The following SP4 variants were observed in gnomAD, a reference collection of about 807,000 sequenced individuals.
SP4 encodes the protein Sp4 transcription factor.
A neutral mutation model predicts 72.8 loss-of-function variants in SP4; 19 were observed. The observed-to-expected ratio is 0.26, with a 90% CI of 0.18 to 0.38. The LOEUF (loss-of-function observed/expected upper bound fraction) is 0.38, where lower values mean the gene tolerates loss of function less well. SP4 is among the 10% of genes least tolerant of loss of function. The probability of loss-of-function intolerance (pLI) is 1.00; values close to 1 mark genes in which losing one functional copy is unlikely to be tolerated. For synonymous variants in SP4, 395 were observed against 333.1 expected (o/e 1.19, Z -2.02); for missense variants, 1,008 against 926.3 (o/e 1.09, Z -1.14).
chr7:21,471,266 G>T (rs138879860), intron 3 of SP4: 30 of 361,152 alleles, frequency 8.3e-5, no homozygotes, highest in Middle Eastern at 7.3e-4. Context: ...TGGGGAGCTA[G>T]GTCTGCAATA....
intron 3 of SP4, among the ~76,000 whole-genome samples, chr7:21,475,097 C>G (rs75136652): frequency 0.021 from 3,178 of 151,754 alleles, 46 homozygotes; most frequent in African/African-American, 0.037. Flanking sequence ...CCTCCCCCAC[C>G]CTTTTTTTGT....
At chr7:21,460,491 C>A (rs1583406580) in intron 3 of SP4, among the ~76,000 whole-genome samples, 1 of 152,136 alleles carries the variant, frequency 6.6e-6, no homozygotes, top group Non-Finnish European at 1.5e-5. Flanking sequence ...AAAGAGTGAG[C>A]AGCAGCAAGA....
At chr7:21,492,783 G>C (rs1024714602) in intron 5 of SP4, among the ~76,000 whole-genome samples, 1 of 152,160 alleles carries the variant, frequency 6.6e-6, no homozygotes, top group Non-Finnish European at 1.5e-5. Flanking sequence ...GATAAAGAGA[G>C]TATCTGAATA....
rs1008746180 is a variant in SP4, at chr7:21,430,519, A to C, written c.1354A>C (p.Thr452Pro). The C allele has an allele frequency of 1.2e-6, 2 of 1,614,172 alleles. No homozygotes were observed. The highest frequency in any genetic ancestry group is 1.7e-6 in the Non-Finnish European group (2 of 1,180,036). ...TGTTCAACTTCAAGCAGTAAATCCG[A>C]CTCAGGTGCTTATCAGGGCTCCAAC... ...QNVQLQAVNPTQVLIRAPTLT... is the reference protein window; with the variant it reads ...QNVQLQAVNPPQVLIRAPTLT... Residue 452 changes from threonine (T) to proline (P), a missense_variant, in exon 3 of 6, where the codon ACT becomes CCT. By Grantham distance (38) the Thr-to-Pro change is conservative (BLOSUM62 -1). Transcript: ENST00000222584.
At chr7:21,456,779 G>A (rs6461563) in intron 3 of SP4, among the ~76,000 whole-genome samples, 4 of 152,080 alleles carry the variant, frequency 2.6e-5, no homozygotes, top group African/African-American at 7.2e-5. Flanking sequence ...CTCACAAGCC[G>A]CCTGTCAGTG....
chr7:21,471,116 A>G, intron 3 of SP4: 2 of 534,748 alleles, frequency 3.7e-6, no homozygotes, highest in South Asian at 2.8e-5. Flanking sequence ...ACTGTAGGTG[A>G]TGGTGAGAGT....
chr7:21,508,002 A>G (rs1050464515), intron 5 of SP4, among the ~76,000 whole-genome samples: 13 of 152,102 alleles, frequency 8.5e-5, no homozygotes, highest in Non-Finnish European at 1.6e-4. Flanking sequence ...CTTACAGTCC[A>G]ATTTTCCTCC....
chr7:21,472,188 G>A (rs1353693461), intron 3 of SP4, among the ~76,000 whole-genome samples: 1 of 152,182 alleles, frequency 6.6e-6, no homozygotes, highest in Non-Finnish European at 1.5e-5. Flanking sequence ...TATGAAAGTA[G>A]ATGAGGTCCC....
intron 3 of SP4, among the ~76,000 whole-genome samples, chr7:21,437,503 A>G (rs1038551570): frequency 2.6e-5 from 4 of 151,008 alleles, no homozygotes; most frequent in Admixed American, 6.6e-5. Context: ...GTAGTTTGAC[A>G]TTTTTTTTTC....
At chr7:21,481,853 TTTTAA>T in intron 4 of SP4, 66 bp from the exon 5 acceptor site, 1 of 1,100,174 alleles carries the variant, frequency 9.1e-7, no homozygotes, top group African/African-American at 1.6e-5. Context: ...CCTTGATTCT[TTTTAA>T]TTTTTCTATA....
intron 3 of SP4, among the ~76,000 whole-genome samples, chr7:21,442,437 T>A (rs1210104521): frequency 1.3e-5 from 2 of 152,224 alleles, no homozygotes; most frequent in African/African-American, 4.8e-5. Context: ...CATTTGCATC[T>A]TAGACTCAAT....
At chr7:21,457,540 A>G (rs1220293787) in intron 3 of SP4, among the ~76,000 whole-genome samples, 2 of 152,322 alleles carry the variant, frequency 1.3e-5, no homozygotes, top group Middle Eastern at 3.4e-3. Context: ...TTTTTACTAT[A>G]TCTAGAAATA....
intron 3 of SP4, among the ~76,000 whole-genome samples, chr7:21,434,553 C>T (rs79090932): frequency 0.027 from 4,043 of 152,168 alleles, 170 homozygotes; most frequent in African/African-American, 0.088. Flanking sequence ...GTATGCTCTG[C>T]ATACTTTTTG....
chr7:21,486,420 C>G (rs1318057409), intron 5 of SP4, among the ~76,000 whole-genome samples: 3 of 152,114 alleles, frequency 2.0e-5, no homozygotes, highest in Non-Finnish European at 4.4e-5. Context: ...AGGATTCAGT[C>G]TGGAATAACA....
At chr7:21,487,639 C>A (rs920700762) in intron 5 of SP4, among the ~76,000 whole-genome samples, 5 of 151,860 alleles carry the variant, frequency 3.3e-5, no homozygotes, top group African/African-American at 1.2e-4. Context: ...GTTTTTTAAT[C>A]TAGAATTTTA....
At chr7:21,496,740 C>A (rs1222377956) in intron 5 of SP4, among the ~76,000 whole-genome samples, 1 of 151,984 alleles carries the variant, frequency 6.6e-6, no homozygotes, top group Non-Finnish European at 1.5e-5. Flanking sequence ...TCTTTAAACA[C>A]CTTGGAACTA....
At chr7:21,476,701 A>ATG (rs1562613166) in intron 3 of SP4, among the ~76,000 whole-genome samples, 1 of 152,196 alleles carries the variant, frequency 6.6e-6, no homozygotes, top group Admixed American at 6.5e-5. Flanking sequence ...ATGGTAATAA[A>ATG]GCTTTGTGTT....
intron 3 of SP4, among the ~76,000 whole-genome samples, chr7:21,439,864 G>A (rs1783182764): frequency 6.6e-6 from 1 of 152,216 alleles, no homozygotes; most frequent in Non-Finnish European, 1.5e-5. Flanking sequence ...GATTGTCACT[G>A]CACTCCAGTC....
intron 3 of SP4, among the ~76,000 whole-genome samples, chr7:21,449,314 G>A (rs1453565060): frequency 6.6e-6 from 1 of 152,172 alleles, no homozygotes; most frequent in Non-Finnish European, 1.5e-5. Flanking sequence ...ACATCCTATG[G>A]CAGGTTGTGC....
Sources: gnomAD v4.1 joint callset for allele counts (sites outside exome capture counted in the v4.1 genomes callset) on GRCh38, gnomAD v4.1.1 for gene constraint, MANE v1.5 for transcripts, NCBI Gene and HGNC (gene_info 2026-07-23, HGNC 2026-07-21) for gene names.